Variants in FBLN7 observed in about 807,000 individuals in gnomAD.
FBLN7 encodes fibulin-7.
Under a neutral mutation model 44.0 loss-of-function variants are expected in FBLN7, and 31 were observed. The observed-to-expected ratio is 0.70, with a 90% confidence interval of 0.53 to 0.95. The LOEUF (loss-of-function observed/expected upper bound fraction) is 0.95, where lower values mean the gene tolerates loss of function less well. Ranked by LOEUF, FBLN7 falls within the 40% of genes least tolerant of loss-of-function variation. The pLI is 0.00. For synonymous variants in FBLN7, 262 were observed against 253.4 expected, an observed-to-expected ratio of 1.03 and a Z score of -0.32; for missense variants, 573 against 618.5, an observed-to-expected ratio of 0.93 and a Z score of 0.78.
intron 1 of FBLN7, among the ~76,000 whole-genome samples, chr2:112,153,437 G>T (rs1450008184): frequency 1.3e-5 from 2 of 152,190 alleles, no homozygotes; most frequent in African/African-American, 4.8e-5. Flanking sequence ...TCACCAAAGA[G>T]GCTCTCAAAA....
chr2:112,232,489 TTATAA>T, the FBLN7 span, among the ~76,000 whole-genome samples: 8 of 152,166 alleles, frequency 5.3e-5, no homozygotes, highest in Non-Finnish European at 1.0e-4. Context: ...ATATCCATTC[TTATAA>T]TAGAGTACAG....
At chr2:112,217,096 C>T in the FBLN7 span, among the ~76,000 whole-genome samples, 2 of 152,096 alleles carry the variant, frequency 1.3e-5, no homozygotes, top group Admixed American at 6.6e-5. Context: ...AGACCAGGCG[C>T]GGTGGCTCAC....
intron 6 of FBLN7, among the ~76,000 whole-genome samples, chr2:112,184,734 GTATA>G (rs752232305): frequency 7.0e-6 from 1 of 142,686 alleles, no homozygotes; most frequent in Non-Finnish European, 1.5e-5. Flanking sequence ...TATGTATATG[GTATA>G]TATATATACA....
the FBLN7 span, among the ~76,000 whole-genome samples, chr2:112,227,986 C>A: frequency 6.6e-6 from 1 of 151,894 alleles, no homozygotes; most frequent in Non-Finnish European, 1.5e-5. Context: ...GTAGCCAAAA[C>A]AATCTTTGAA....
At chr2:112,153,591 C>T (rs550279863) in intron 1 of FBLN7, among the ~76,000 whole-genome samples, 110 of 152,270 alleles carry the variant, frequency 7.2e-4, no homozygotes, top group African/African-American at 2.3e-3. Context: ...AGAGCAGGTT[C>T]GGAGTGAGCC....
At chr2:112,195,718 C>T in the FBLN7 span, among the ~76,000 whole-genome samples, 1 of 152,168 alleles carries the variant, frequency 6.6e-6, no homozygotes, top group Non-Finnish European at 1.5e-5. Context: ...TGTTTGCAGC[C>T]GTTCTAAGCA....
chr2:112,240,980 T>TGTGTGCGC, the FBLN7 span, among the ~76,000 whole-genome samples: 1 of 138,990 alleles, frequency 7.2e-6, no homozygotes, highest in Non-Finnish European at 1.6e-5. Flanking sequence ...TGTGTGTGTG[T>TGTGTGCGC]GTGTGCGCGT....
the FBLN7 span, among the ~76,000 whole-genome samples, chr2:112,223,817 T>C: frequency 6.6e-6 from 1 of 152,260 alleles, no homozygotes; most frequent in African/African-American, 2.4e-5. Context: ...GATTAACTGA[T>C]GAAGAAAAAC....
At chr2:112,161,266 G>A (rs977169514) in intron 2 of FBLN7, among the ~76,000 whole-genome samples, 4 of 152,204 alleles carry the variant, frequency 2.6e-5, no homozygotes, top group African/African-American at 9.7e-5. Flanking sequence ...ATCAAGGGCT[G>A]TCTTTGTTGA....
intron 4 of FBLN7, among the ~76,000 whole-genome samples, chr2:112,178,220 C>T (rs1488774021): frequency 7.3e-6 from 1 of 137,640 alleles, no homozygotes; most frequent in East Asian, 2.1e-4. Context: ...CTGGCAAAAA[C>T]CAAAAATGTG....
At chr2:112,180,888 A>G (rs1438228664) in intron 4 of FBLN7, among the ~76,000 whole-genome samples, 1 of 130,548 alleles carries the variant, frequency 7.7e-6, no homozygotes, top group Admixed American at 9.1e-5. Context: ...GTGCCACTGC[A>G]CTCCAGCCTG....
the FBLN7 span, chr2:112,211,499 C>T: frequency 6.6e-6 from 1 of 152,176 alleles, no homozygotes; most frequent in Non-Finnish European, 1.5e-5. Context: ...ATAATTCACT[C>T]ATCCATAATA....
intron 1 of FBLN7, among the ~76,000 whole-genome samples, chr2:112,157,226 G>A (rs866376649): frequency 1.3e-5 from 2 of 151,890 alleles, no homozygotes; most frequent in African/African-American, 2.4e-5. Context: ...AAAAATTAGC[G>A]GGGCATGGCG....
At chr2:112,153,073 C>T (rs1423141173) in intron 1 of FBLN7, 1 of 152,142 alleles carries the variant, frequency 6.6e-6, no homozygotes, top group Non-Finnish European at 1.5e-5. Context: ...CCAGAAGCAC[C>T]CACTTTCTCT....
intron 4 of FBLN7, among the ~76,000 whole-genome samples, chr2:112,179,853 A>G (rs1209841471): frequency 6.6e-6 from 1 of 152,264 alleles, no homozygotes; most frequent in African/African-American, 2.4e-5. Flanking sequence ...GATGGATTAA[A>G]GAGTTAGATG....
the FBLN7 span, among the ~76,000 whole-genome samples, chr2:112,201,835 CCTAA>C: frequency 6.6e-6 from 1 of 152,182 alleles, no homozygotes; most frequent in African/African-American, 2.4e-5. Flanking sequence ...TCCAGGTTTA[CCTAA>C]CTGAGTTCAG....
chr2:112,146,629 A>G (rs1297748347), intron 1 of FBLN7, among the ~76,000 whole-genome samples: 1 of 150,398 alleles, frequency 6.6e-6, no homozygotes, highest in Non-Finnish European at 1.5e-5. Context: ...GAGAAATCCA[A>G]TGGGCTTTTC....
At chr2:112,193,508 T>A in the FBLN7 span, among the ~76,000 whole-genome samples, 1 of 152,216 alleles carries the variant, frequency 6.6e-6, no homozygotes, top group Non-Finnish European at 1.5e-5. Context: ...ATTTAAGTAA[T>A]CTATAGATTA....
chr2:112,241,942 G>T, the FBLN7 span, among the ~76,000 whole-genome samples: 16 of 152,146 alleles, frequency 1.1e-4, no homozygotes, highest in Middle Eastern at 3.4e-3. Flanking sequence ...ACTGCTAAAG[G>T]GGGTGCATGG....
Sources: gnomAD v4.1 joint callset for allele counts (sites outside exome capture counted in the v4.1 genomes callset) on GRCh38, gnomAD v4.1.1 for gene constraint, MANE v1.5 for transcripts, NCBI Gene and HGNC (gene_info 2026-07-23, HGNC 2026-07-21) for gene names.